Variants in RAB10 observed in about 807,000 individuals in gnomAD.
The protein encoded by RAB10 is ras-related protein Rab-10.
Under a neutral mutation model 25.7 loss-of-function variants are expected in RAB10, and 5 were observed. The ratio of observed to expected loss-of-function variants is 0.19; its 90% CI spans 0.10 to 0.41. The LOEUF (loss-of-function observed/expected upper bound fraction) is 0.41, where lower values mean the gene tolerates loss of function less well. Among genes scored for constraint, RAB10 ranks in the 10% least tolerant of loss-of-function variants. The pLI is 1.00. For synonymous variants in RAB10, 89 were observed against 86.4 expected (o/e 1.03, Z -0.16); for missense variants, 103 against 245.8 (o/e 0.42, Z 3.89).
At chr2:26,128,898 T>A (rs1314786813) in intron 5 of RAB10, among the ~76,000 whole-genome samples, 1 of 152,206 alleles carries the variant, frequency 6.6e-6, no homozygotes, top group Non-Finnish European at 1.5e-5. Flanking sequence ...TGAATAGGTA[T>A]AATGCATGGA....
At position 26,089,359 on chromosome 2, in the gene RAB10, G is replaced by A. The variant is rs113258455; in HGVS notation, c.128-9303G>A. On this transcript the variant is annotated intron_variant, in intron 1 of 5. Coordinates refer to ENST00000264710, the MANE Select transcript of RAB10 (RefSeq NM_016131.5). Reference sequence around the variant, plus strand: ...AATTGCTTGAACCCAGGAGGTGGAGGTTGGAGTGAGCAGAGATTGCGCTGC... The same window carrying A: ...AATTGCTTGAACCCAGGAGGTGGAGATTGGAGTGAGCAGAGATTGCGCTGC... 7.7e-3 allele frequency among the ~76,000 whole-genome samples: 1,176 copies of A among 151,806 alleles called. 13 individuals are homozygous for A. Among genetic ancestry groups the A allele is most frequent in the African/African-American group, 0.026 (1,063 of 41,372 alleles).
At chr2:26,081,550 T>TA (rs569002727) in intron 1 of RAB10, among the ~76,000 whole-genome samples, 373 of 152,216 alleles carry the variant, frequency 2.5e-3, no homozygotes, top group African/African-American at 8.8e-3. Flanking sequence ...TCCTGAAACA[T>TA]AAAAAAAGTT....
At chr2:26,109,617 T>C in intron 2 of RAB10, 151 bp from the exon 3 acceptor site, 1 of 699,892 alleles carries the variant, frequency 1.4e-6, no homozygotes, top group Non-Finnish European at 2.1e-6. Context: ...GTTTTCCCTT[T>C]CAGATTTTCA....
chr2:26,093,957 A>G (rs924917336), intron 1 of RAB10, among the ~76,000 whole-genome samples: 3 of 151,740 alleles, frequency 2.0e-5, no homozygotes, highest in Admixed American at 1.3e-4. Flanking sequence ...GTGCAGTGGC[A>G]TGATCACAGC....
At chr2:26,099,602 G>C (rs889674567) in intron 2 of RAB10, among the ~76,000 whole-genome samples, 16 of 124,056 alleles carry the variant, frequency 1.3e-4, no homozygotes, top group Non-Finnish European at 2.3e-4. Context: ...GAGCAGTGGC[G>C]CTATTTCGGC....
chr2:26,116,544 TTG>T lies in RAB10; in HGVS notation c.327+6642_327+6643del, dbSNP rs1258156579. Among the ~76,000 whole-genome samples the T allele has an allele frequency of 5.7e-3, 702 of 122,676 alleles. 36 individuals are homozygous for T. Among genetic ancestry groups the T allele is most frequent in the African/African-American group, 0.021 (667 of 31,924 alleles). The allele number at this position is 122,676 out of a possible 152,430, so 80.5% of individuals were successfully genotyped here. A position where few individuals can be genotyped will look rare whatever the true frequency, so the allele number is the denominator to read the frequency against. ...TGTATTTCTTTTCTTTCTTTCTGTC[TTG>T]TGTTTTTTTTTTTTTTTTTTTTTTT... On this transcript the variant is annotated intron_variant, in intron 3 of 5. Transcript: ENST00000264710.
chr2:26,123,430 A>G (rs190957172), intron 3 of RAB10, among the ~76,000 whole-genome samples: 1 of 152,324 alleles, frequency 6.6e-6, no homozygotes, highest in East Asian at 1.9e-4. Flanking sequence ...TGCCATCGTT[A>G]TAGAAAAAGC....
intron 1 of RAB10, among the ~76,000 whole-genome samples, chr2:26,092,766 A>T (rs772973241): frequency 5.3e-5 from 8 of 152,274 alleles, no homozygotes; most frequent in South Asian, 4.2e-4. Flanking sequence ...ATTAATTAAT[A>T]AATTGTATAC....
intron 1 of RAB10, among the ~76,000 whole-genome samples, chr2:26,093,740 T>C (rs1667155030): frequency 6.6e-6 from 1 of 152,218 alleles, no homozygotes; most frequent in African/African-American, 2.4e-5. Context: ...ACTTTGATAC[T>C]AAGAGGCATT....
chr2:26,059,185 A>T (rs554169353), intron 1 of RAB10, among the ~76,000 whole-genome samples: 1 of 152,244 alleles, frequency 6.6e-6, no homozygotes, highest in Non-Finnish European at 1.5e-5. Flanking sequence ...CCAGTTTGGA[A>T]ATCTGTACTT....
intron 1 of RAB10, among the ~76,000 whole-genome samples, chr2:26,056,578 G>C (rs1666272950): frequency 6.6e-6 from 1 of 152,122 alleles, no homozygotes; most frequent in Non-Finnish European, 1.5e-5. Flanking sequence ...ATCAATCTCT[G>C]AGTACAATCC....
At chr2:26,131,270 C>T (rs961690480) in intron 5 of RAB10, among the ~76,000 whole-genome samples, 4 of 151,896 alleles carry the variant, frequency 2.6e-5, no homozygotes, top group African/African-American at 7.3e-5. Flanking sequence ...ATAGCTTGTA[C>T]GCTAAAGAAA....
In RAB10 at chr2:26,077,012, G is replaced by A. The variant is rs569636049; in HGVS notation, c.128-21650G>A. On this transcript the variant is annotated intron_variant, in intron 1 of 5. Transcript: ENST00000264710. ...AAGAGAGCTCAGAAATAAAAGAAAT[G>A]AAGGAATTCATTAGGAACTCAAGGA... 4.3e-4 allele frequency among the ~76,000 whole-genome samples: 64 copies of A among 149,900 alleles called. 2 individuals are homozygous for A. In the South Asian group the frequency reaches 0.013, roughly 30 times the overall value.
At chr2:26,045,139 GTA>G (rs958924060) in intron 1 of RAB10, among the ~76,000 whole-genome samples, 12 of 152,042 alleles carry the variant, frequency 7.9e-5, no homozygotes, top group African/African-American at 2.9e-4. Flanking sequence ...GAATTGTGGT[GTA>G]TAATGACGCA....
intron 1 of RAB10, among the ~76,000 whole-genome samples, chr2:26,096,769 C>A (rs1348537769): frequency 6.6e-6 from 1 of 152,182 alleles, no homozygotes. Context: ...ATTGCTTTAG[C>A]TGTATCCTAC....
chr2:26,088,797 G>T (rs1238747809), intron 1 of RAB10, among the ~76,000 whole-genome samples: 1 of 151,882 alleles, frequency 6.6e-6, no homozygotes, highest in Non-Finnish European at 1.5e-5. Context: ...GCCAATTTTT[G>T]TATTTTTAGT....
intron 1 of RAB10, among the ~76,000 whole-genome samples, chr2:26,062,970 C>G (rs575211903): frequency 6.6e-6 from 1 of 151,994 alleles, no homozygotes. Context: ...CAAAAATTAG[C>G]CAGGCATGGT....
chr2:26,104,970 C>T (rs1414902486), intron 2 of RAB10, among the ~76,000 whole-genome samples: 1 of 152,152 alleles, frequency 6.6e-6, no homozygotes, highest in African/African-American at 2.4e-5. Flanking sequence ...GTCTCCTGAC[C>T]TCGTGATCCA....
At chr2:26,086,445 A>G (rs936023627) in intron 1 of RAB10, among the ~76,000 whole-genome samples, 5 of 152,192 alleles carry the variant, frequency 3.3e-5, no homozygotes, top group Admixed American at 1.3e-4. Flanking sequence ...TAAAAACACA[A>G]AAGGAAAGTA....
Sources: allele counts gnomAD v4.1 joint callset (sites outside exome capture counted in the v4.1 genomes callset), GRCh38; gene constraint gnomAD v4.1.1; transcripts MANE v1.5; gene names NCBI Gene and HGNC (gene_info 2026-07-23, HGNC 2026-07-21).